NRXN3: variants seen among roughly 807,000 people sequenced by gnomAD.
NRXN3 encodes the protein neurexin III.
A neutral mutation model predicts 137.6 loss-of-function variants in NRXN3; 32 were observed. That is an observed-to-expected ratio of 0.23 (90% confidence interval 0.18 to 0.31). NRXN3 has a LOEUF of 0.31. NRXN3 is among the 10% of genes least tolerant of loss of function. NRXN3 has a pLI of 1.00. For missense variants in NRXN3, 1,574 were observed against 2,062.5 expected, an observed-to-expected ratio of 0.76 and a Z score of 4.59; for synonymous variants, 798 against 784.5, an observed-to-expected ratio of 1.02 and a Z score of -0.29.
At chr14:79,003,688 G>T (rs899833720) in intron 15 of NRXN3, among the ~76,000 whole-genome samples, 3 of 152,164 alleles carry the variant, frequency 2.0e-5, no homozygotes, top group African/African-American at 7.2e-5. Context: ...CTGCCATGGG[G>T]AGATGATTGC....
chr14:79,735,522 T>G (rs184047704), intron 19 of NRXN3, among the ~76,000 whole-genome samples: 16 of 152,272 alleles, frequency 1.1e-4, no homozygotes, highest in Non-Finnish European at 5.9e-5. Context: ...GTCTTCTGAG[T>G]TATGAAAGCA....
intron 4 of NRXN3, among the ~76,000 whole-genome samples, chr14:78,627,227 C>T (rs1235359060): frequency 6.7e-6 from 1 of 149,354 alleles, no homozygotes; most frequent in East Asian, 2.0e-4. Context: ...TGTTTCAGTG[C>T]CTTTGTTTTT....
intron 15 of NRXN3, among the ~76,000 whole-genome samples, chr14:79,466,765 T>C (rs2153612866): frequency 6.6e-6 from 1 of 152,266 alleles, no homozygotes; most frequent in East Asian, 1.9e-4. Flanking sequence ...GACTGCTCTG[T>C]TACCTTCAGT....
chr14:79,252,688 T>C (rs1010283599), intron 15 of NRXN3, among the ~76,000 whole-genome samples: 1 of 152,136 alleles, frequency 6.6e-6, no homozygotes, highest in Non-Finnish European at 1.5e-5. Context: ...AAGTATTACA[T>C]TGAAAGCAGC....
chr14:79,206,787 T>C (rs899135967), intron 15 of NRXN3, among the ~76,000 whole-genome samples: 1 of 152,162 alleles, frequency 6.6e-6, no homozygotes, highest in Non-Finnish European at 1.5e-5. Context: ...TTAATCTTAA[T>C]AGGCACACAT....
chr14:78,778,728 T>TTCTTTCTTTCTTTCTC (rs1245682728), intron 8 of NRXN3, among the ~76,000 whole-genome samples: 16 of 134,668 alleles, frequency 1.2e-4, no homozygotes, highest in Non-Finnish European at 2.1e-4. Context: ...CTTTCTTTCT[T>TTCTTTCTTTCTTTCTC]TCTCTCTCTC....
At chr14:79,754,022 TAAAAAA>T (rs915720383) in intron 19 of NRXN3, among the ~76,000 whole-genome samples, 1 of 150,852 alleles carries the variant, frequency 6.6e-6, no homozygotes, top group Non-Finnish European at 1.5e-5. Context: ...GAGAGTACTT[TAAAAAA>T]AAAGTACACA....
intron 6 of NRXN3, among the ~76,000 whole-genome samples, chr14:78,684,711 T>C (rs1342309838): frequency 6.6e-6 from 1 of 152,156 alleles, no homozygotes; most frequent in East Asian, 1.9e-4. Flanking sequence ...GGAGGGTCCA[T>C]TGAGCCCACA....
intron 4 of NRXN3, among the ~76,000 whole-genome samples, chr14:78,302,997 CG>C (rs925216093): frequency 1.5e-4 from 23 of 152,012 alleles, no homozygotes; most frequent in Admixed American, 6.5e-5. Flanking sequence ...TTAAACTCTG[CG>C]GCCCACAAAT....
chr14:78,664,010 GGA>G lies in NRXN3; in HGVS notation c.1221+12688_1221+12689del, dbSNP rs375153122. Among the ~76,000 whole-genome samples, 28 of 152,312 alleles carry G rather than the reference GGA, an allele frequency of 1.8e-4. No homozygotes were observed. In the East Asian group the frequency reaches 5.4e-3, roughly 29 times the overall value. ...TAACCTTGTGTTCTGTTCCTCATGT[GGA>G]GAGTGTGCCACAAATAGTTCCTGCA... On this transcript the variant is annotated intron_variant, in intron 6 of 20. Coordinates refer to ENST00000335750, the MANE Select transcript of NRXN3 (RefSeq NM_001330195.2).
At chr14:78,998,708 C>T (rs1359347088) in intron 15 of NRXN3, among the ~76,000 whole-genome samples, 1 of 151,180 alleles carries the variant, frequency 6.6e-6, no homozygotes, top group African/African-American at 2.4e-5. Flanking sequence ...AAGCAATTCT[C>T]CTGCCTCAGC....
intron 16 of NRXN3, among the ~76,000 whole-genome samples, chr14:79,567,260 A>T (rs1041135833): frequency 6.6e-6 from 1 of 152,040 alleles, no homozygotes; most frequent in African/African-American, 2.4e-5. Flanking sequence ...TTTTTAAATT[A>T]GTAATGTTGG....
intron 1 of NRXN3, among the ~76,000 whole-genome samples, chr14:78,235,002 A>ATATATATATATGTG (rs1555418552): frequency 3.0e-4 from 14 of 47,444 alleles, no homozygotes; most frequent in African/African-American, 1.5e-3. Flanking sequence ...TTTTATATAT[A>ATATATATATATGTG]TATATATATA....
chr14:79,798,607 T>G (rs2099167829), intron 19 of NRXN3, among the ~76,000 whole-genome samples: 1 of 152,184 alleles, frequency 6.6e-6, no homozygotes, highest in Non-Finnish European at 1.5e-5. Context: ...AGGACTTATT[T>G]TATCTCATAC....
chr14:78,823,044 G>T (rs373926206), intron 10 of NRXN3, among the ~76,000 whole-genome samples: 48 of 152,214 alleles, frequency 3.2e-4, no homozygotes, highest in African/African-American at 1.1e-3. Flanking sequence ...AACCAGTCTC[G>T]AAGGCATTGT....
At chr14:79,742,053 C>A (rs1454537303) in intron 19 of NRXN3, among the ~76,000 whole-genome samples, 1 of 152,052 alleles carries the variant, frequency 6.6e-6, no homozygotes, top group Non-Finnish European at 1.5e-5. Flanking sequence ...CAGAGGGGAG[C>A]CTGATATATA....
intron 4 of NRXN3, among the ~76,000 whole-genome samples, chr14:78,572,459 G>C (rs1009513489): frequency 1.3e-5 from 2 of 152,150 alleles, no homozygotes; most frequent in Non-Finnish European, 2.9e-5. Flanking sequence ...AGTGTTTTCA[G>C]TTTCCAGAGC....
intron 8 of NRXN3, among the ~76,000 whole-genome samples, chr14:78,778,678 T>TTTTCTTTTCTTTCTTTC (rs1555489568): frequency 2.3e-4 from 26 of 114,524 alleles, no homozygotes; most frequent in South Asian, 1.2e-3. Flanking sequence ...TTCTCTTTTC[T>TTTTCTTTTCTTTCTTTC]TTTCTTTCTT....
intron 4 of NRXN3, among the ~76,000 whole-genome samples, chr14:78,412,654 G>T (rs983625167): frequency 6.6e-6 from 1 of 152,094 alleles, no homozygotes; most frequent in African/African-American, 2.4e-5. Flanking sequence ...GGAAGGGTGG[G>T]GATTTAAACC....
Sources: gnomAD v4.1 joint callset for allele counts (sites outside exome capture counted in the v4.1 genomes callset) on GRCh38, gnomAD v4.1.1 for gene constraint, MANE v1.5 for transcripts, NCBI Gene and HGNC (gene_info 2026-07-23, HGNC 2026-07-21) for gene names.